Variants in CD80 observed in about 807,000 individuals in gnomAD.
CD80 encodes the protein CD80 molecule, also known as T-lymphocyte activation antigen CD80.
In CD80, 13 loss-of-function variants were observed where a neutral mutation model predicts 27.1. The observed-to-expected ratio is 0.48, with a 90% CI of 0.31 to 0.76. CD80 has a LOEUF of 0.76. CD80 is among the 30% of genes least tolerant of loss of function. The probability of loss-of-function intolerance (pLI) is 0.04; values close to 1 mark genes in which losing one functional copy is unlikely to be tolerated. For missense variants in CD80, 277 were observed against 347.9 expected (o/e 0.80, Z 1.62); for synonymous variants, 125 against 125.5 (o/e 1.00, Z 0.03).
At chr3:119,532,863 C>A (rs2082117378) in intron 4 of CD80, among the ~76,000 whole-genome samples, 1 of 152,172 alleles carries the variant, frequency 6.6e-6, no homozygotes, top group Non-Finnish European at 1.5e-5. Flanking sequence ...TCTAATAACT[C>A]CTGCACATTG....
At chr3:119,528,824 G>A (rs533938883) in intron 5 of CD80, among the ~76,000 whole-genome samples, 13 of 122,756 alleles carry the variant, frequency 1.1e-4, no homozygotes, top group African/African-American at 3.8e-4. Context: ...TACTCAGGAG[G>A]CTGAGGCCGG....
chr3:119,550,127 C>T (rs1244562929), intron 2 of CD80, among the ~76,000 whole-genome samples: 1 of 152,198 alleles, frequency 6.6e-6, no homozygotes, highest in Admixed American at 6.5e-5. Context: ...TCCCTCCTCC[C>T]ACTGCCAACT....
chr3:119,525,036 T>C lies in CD80; in HGVS notation c.*752A>G, dbSNP rs1258999153. 2 of 152,232 alleles carry C rather than the reference T, an allele frequency of 1.3e-5. No individual in the cohort carries two copies. The highest frequency in any genetic ancestry group is 2.9e-5 in the Non-Finnish European group (2 of 68,048). 9.4% of individuals were successfully genotyped at this position (152,232 alleles called of 1,614,324 possible). On this transcript the variant is annotated 3_prime_UTR_variant, in exon 7 of 7. Coordinates refer to ENST00000264246, the MANE Select transcript of CD80 (RefSeq NM_005191.4). ...GTCCAATATGAACCAGTTAAGTCTT[T>C]GGACTATCCCTTTCCTCCTTGACTA...
At chr3:119,543,887 C>CTTT (rs71619749) in intron 3 of CD80, among the ~76,000 whole-genome samples, 1 of 99,128 alleles carries the variant, frequency 1.0e-5, no homozygotes, top group Non-Finnish European at 2.0e-5. Context: ...CTCCATTGTT[C>CTTT]TTTTTTTTTT....
chr3:119,557,566 C>G (rs2082271374), intron 2 of CD80, 63 bp downstream of exon 2: 1 of 1,136,082 alleles, frequency 8.8e-7, no homozygotes. Context: ...GCTCAGAGAA[C>G]CCCATGTCCT....
intron 2 of CD80, among the ~76,000 whole-genome samples, chr3:119,549,427 C>A (rs1205593184): frequency 6.6e-6 from 1 of 152,198 alleles, no homozygotes; most frequent in African/African-American, 2.4e-5. Flanking sequence ...TCTTGTAGGA[C>A]CTAAAAGCAG....
At chr3:119,546,603 A>G (rs941012416) in intron 2 of CD80, among the ~76,000 whole-genome samples, 2 of 152,184 alleles carry the variant, frequency 1.3e-5, no homozygotes, top group African/African-American at 4.8e-5. Context: ...ATAGGTAGGG[A>G]ATATAATCAA....
At chr3:119,556,757 G>A (rs2082266973) in intron 2 of CD80, among the ~76,000 whole-genome samples, 1 of 152,084 alleles carries the variant, frequency 6.6e-6, no homozygotes, top group South Asian at 2.1e-4. Flanking sequence ...TTTGCAGACT[G>A]GCAAATCATG....
chr3:119,535,685 G>A (rs151316304), intron 4 of CD80, among the ~76,000 whole-genome samples: 9 of 152,122 alleles, frequency 5.9e-5, no homozygotes, highest in African/African-American at 1.9e-4. Flanking sequence ...CTTTTCAGGC[G>A]TTGTCTTCAA....
chr3:119,536,724 T>C (rs1328010582), intron 4 of CD80, among the ~76,000 whole-genome samples: 1 of 152,222 alleles, frequency 6.6e-6, no homozygotes, highest in African/African-American at 2.4e-5. Context: ...AATACGACAA[T>C]TCTAAAATGT....
At chr3:119,545,738 A>C (rs1961372) in intron 2 of CD80, among the ~76,000 whole-genome samples, 6,121 of 140,150 alleles carry the variant, frequency 0.044, 366 homozygotes, top group African/African-American at 0.16. Flanking sequence ...TTACACACAC[A>C]CCCCCCCCCA....
chr3:119,542,614 C>T (rs1429264771), intron 3 of CD80, among the ~76,000 whole-genome samples: 1 of 152,170 alleles, frequency 6.6e-6, no homozygotes, highest in African/African-American at 2.4e-5. Context: ...AAAATTATGA[C>T]TGAGACAGTG....
intron 4 of CD80, among the ~76,000 whole-genome samples, chr3:119,533,677 C>T (rs560897783): frequency 1.2e-4 from 18 of 152,316 alleles, no homozygotes; most frequent in African/African-American, 4.3e-4. Flanking sequence ...ATGACTTGCT[C>T]CTCCTTGCCT....
At chr3:119,549,421 G>T (rs993039287) in intron 2 of CD80, among the ~76,000 whole-genome samples, 1 of 152,186 alleles carries the variant, frequency 6.6e-6, no homozygotes, top group Non-Finnish European at 1.5e-5. Flanking sequence ...CTAGGCTCTT[G>T]TAGGACCTAA....
chr3:119,544,451 T>A (rs2082188714), intron 3 of CD80, 99 bp downstream of exon 3: 1 of 951,832 alleles, frequency 1.1e-6, no homozygotes, highest in Admixed American at 2.3e-5. Context: ...GTGAGATACA[T>A]CCCTCTTTGG....
intron 4 of CD80, among the ~76,000 whole-genome samples, chr3:119,530,805 TA>T (rs757604409): frequency 2.8e-4 from 43 of 152,266 alleles, no homozygotes; most frequent in Non-Finnish European, 5.7e-4. Flanking sequence ...GAATATTTAC[TA>T]ACTTATTGTT....
chr3:119,557,768 T>C lies in CD80; in HGVS notation c.-40A>G. ...AGGGTCAAAAGTGAAAGCCAACAAT[T>C]TGGACCCAAGTAAGACCAGGGCACT... is the stretch of plus-strand genomic sequence containing the variant. On this transcript the variant is annotated 5_prime_UTR_variant, in exon 2 of 7. Coordinates refer to ENST00000264246, the MANE Select transcript of CD80 (RefSeq NM_005191.4). 1 of 1,512,158 alleles carries C rather than the reference T, an allele frequency of 6.6e-7. No individual in the cohort carries two copies. The allele number at this position is 1,512,158 out of a possible 1,614,324, so 93.7% of individuals were successfully genotyped here. A position where few individuals can be genotyped will look rare whatever the true frequency, so the allele number is the denominator to read the frequency against.
intron 3 of CD80, among the ~76,000 whole-genome samples, chr3:119,539,473 A>T (rs2082156044): frequency 6.6e-6 from 1 of 152,192 alleles, no homozygotes; most frequent in Non-Finnish European, 1.5e-5. Flanking sequence ...CCAAACTACA[A>T]CATTGAGCCT....
At chr3:119,540,963 G>T (rs774202671) in intron 3 of CD80, among the ~76,000 whole-genome samples, 1 of 151,916 alleles carries the variant, frequency 6.6e-6, no homozygotes, top group Non-Finnish European at 1.5e-5. Flanking sequence ...CAGGAGAATC[G>T]CTTGAACCCA....
Sources: allele counts gnomAD v4.1 joint callset (sites outside exome capture counted in the v4.1 genomes callset), GRCh38; gene constraint gnomAD v4.1.1; transcripts MANE v1.5; gene names NCBI Gene and HGNC (gene_info 2026-07-23, HGNC 2026-07-21).